The following NOS1AP variants were observed in gnomAD, a reference collection of about 807,000 sequenced individuals.
NOS1AP encodes carboxyl-terminal PDZ ligand of neuronal nitric oxide synthase protein.
A neutral mutation model predicts 56.2 loss-of-function variants in NOS1AP; 21 were observed. That is an observed-to-expected ratio of 0.37 (90% CI 0.26 to 0.54). The LOEUF (loss-of-function observed/expected upper bound fraction) is 0.54. NOS1AP is among the 20% of genes least tolerant of loss of function. The probability of loss-of-function intolerance (pLI) is 0.84; values close to 1 mark genes in which losing one functional copy is unlikely to be tolerated. For synonymous variants in NOS1AP, 270 were observed against 274.6 expected, an observed-to-expected ratio of 0.98 and a Z score of 0.17; for missense variants, 522 against 657.8, an observed-to-expected ratio of 0.79 and a Z score of 2.26.
chr1:162,181,448 G>C (rs1441198579), intron 2 of NOS1AP, among the ~76,000 whole-genome samples: 2 of 152,134 alleles, frequency 1.3e-5, no homozygotes, highest in Non-Finnish European at 2.9e-5. Flanking sequence ...AATTCAATAT[G>C]ATCTAAATAT....
At chr1:162,111,150 G>A (rs1647694125) in intron 1 of NOS1AP, among the ~76,000 whole-genome samples, 1 of 152,250 alleles carries the variant, frequency 6.6e-6, no homozygotes, top group African/African-American at 2.4e-5. Context: ...GACACAGAGT[G>A]TCTGGAGTAT....
In NOS1AP at chr1:162,081,755, G is replaced by GATATATATATAGAT. The variant is rs1553254649; in HGVS notation, c.105+11484_105+11485insGATATATATATATA. On this transcript the variant is annotated intron_variant, in intron 1 of 9. Transcript: ENST00000361897. ...CTATATATCTATATCTATATCTATA[G>GATATATATATAGAT]ATATATATATATATATATATTTTTT... is the stretch of plus-strand genomic sequence containing the variant. Among the ~76,000 whole-genome samples, 174 of 71,612 alleles carry GATATATATATAGAT rather than the reference G, an allele frequency of 2.4e-3. 4 individuals are homozygous for GATATATATATAGAT. The highest frequency in any genetic ancestry group is 0.013 in the Middle Eastern group (2 of 152). 47.0% of individuals were successfully genotyped at this position (71,612 alleles called of 152,430 possible). A position where few individuals can be genotyped will look rare whatever the true frequency, so the allele number is the denominator to read the frequency against.
chr1:162,293,754 C>T (rs1472359608), intron 3 of NOS1AP, among the ~76,000 whole-genome samples: 1 of 152,218 alleles, frequency 6.6e-6, no homozygotes. Context: ...TTTGGAGTTA[C>T]AGACCATGGG....
At position 162,188,850 on chromosome 1, in the gene NOS1AP, G is replaced by A. The variant is rs551475456; in HGVS notation, c.177+34374G>A. ...GGGCGGATCACGAGATCAGGAGTTCGAGACCAGCCTGGCCAACCTGGTCAG... is the reference window on the plus strand; with the variant it reads ...GGGCGGATCACGAGATCAGGAGTTCAAGACCAGCCTGGCCAACCTGGTCAG... On this transcript the variant is annotated intron_variant, in intron 2 of 9. Transcript: ENST00000361897. This position sits in a 1 kb window ranked among gnomAD's most constrained non-coding sequence, Gnocchi z 4.0. Among the ~76,000 whole-genome samples the A allele has an allele frequency of 1.4e-4, 21 of 152,220 alleles. No homozygotes were observed. The highest frequency in any genetic ancestry group is 2.8e-4 in the Non-Finnish European group (19 of 68,000).
At chr1:162,206,727 G>C (rs750801040) in intron 2 of NOS1AP, among the ~76,000 whole-genome samples, 2 of 152,234 alleles carry the variant, frequency 1.3e-5, no homozygotes, top group Non-Finnish European at 2.9e-5. Flanking sequence ...GGGCCATGCA[G>C]TGTGGCTGGC....
intron 1 of NOS1AP, among the ~76,000 whole-genome samples, chr1:162,084,756 G>C (rs1347092341): frequency 6.6e-6 from 1 of 152,030 alleles, no homozygotes; most frequent in African/African-American, 2.4e-5. Context: ...ATGGCTCACT[G>C]ATGAAGCCTC....
At chr1:162,340,652 C>T (rs529132304) in intron 5 of NOS1AP, among the ~76,000 whole-genome samples, 2 of 152,140 alleles carry the variant, frequency 1.3e-5, no homozygotes, top group African/African-American at 4.8e-5. Flanking sequence ...TAGAGAACAA[C>T]GGGTGGAGGG....
chr1:162,247,551 T>A (rs1653703861), intron 2 of NOS1AP, among the ~76,000 whole-genome samples: 1 of 152,212 alleles, frequency 6.6e-6, no homozygotes, highest in South Asian at 2.1e-4. Flanking sequence ...GTCTGAAAGA[T>A]ATGGAAGAGA....
intron 2 of NOS1AP, among the ~76,000 whole-genome samples, chr1:162,282,937 T>A (rs1159759903): frequency 6.6e-6 from 1 of 152,152 alleles, no homozygotes; most frequent in Non-Finnish European, 1.5e-5. Context: ...GAGAAGGACT[T>A]GGCAAAATGA....
chr1:162,170,454 A>G (rs1650712162), intron 2 of NOS1AP, among the ~76,000 whole-genome samples: 1 of 152,220 alleles, frequency 6.6e-6, no homozygotes, highest in African/African-American at 2.4e-5. Context: ...CTCAACTAGT[A>G]AGCCACATGG....
intron 2 of NOS1AP, among the ~76,000 whole-genome samples, chr1:162,170,495 A>T (rs763756501): frequency 6.6e-6 from 1 of 152,192 alleles, no homozygotes; most frequent in Non-Finnish European, 1.5e-5. Flanking sequence ...CTCAATACAT[A>T]TCTATCAAGA....
intron 2 of NOS1AP, among the ~76,000 whole-genome samples, chr1:162,273,462 G>A (rs1654648373): frequency 6.6e-6 from 1 of 152,204 alleles, no homozygotes; most frequent in Admixed American, 6.5e-5. Context: ...ACCGCGCCCG[G>A]CCGAAGCCTC....
chr1:162,359,462 T>G (rs983041077), intron 8 of NOS1AP, among the ~76,000 whole-genome samples: 7 of 152,202 alleles, frequency 4.6e-5, no homozygotes, highest in African/African-American at 1.7e-4. Flanking sequence ...AGGGATATTG[T>G]ACATTTCAGC....
chr1:162,289,276 CCTTT>C (rs71093158), intron 3 of NOS1AP, among the ~76,000 whole-genome samples: 11,886 of 46,120 alleles, frequency 0.26, 1,771 homozygotes, highest in Middle Eastern at 0.39. Context: ...TTCCTTCCTT[CCTTT>C]CCTTCCTTCC....
intron 2 of NOS1AP, among the ~76,000 whole-genome samples, chr1:162,208,942 A>G (rs952259420): frequency 1.3e-5 from 2 of 152,242 alleles, no homozygotes; most frequent in Admixed American, 1.3e-4. Flanking sequence ...CGTATTAAAT[A>G]AATGCTTAGA....
At chr1:162,224,536 A>T (rs1269644991) in intron 2 of NOS1AP, among the ~76,000 whole-genome samples, 1 of 152,204 alleles carries the variant, frequency 6.6e-6, no homozygotes. Flanking sequence ...GAGAAAGGTC[A>T]CATAGAAAGA....
At chr1:162,147,212 C>G (rs1294036245) in intron 1 of NOS1AP, among the ~76,000 whole-genome samples, 1 of 151,462 alleles carries the variant, frequency 6.6e-6, no homozygotes, top group Admixed American at 6.6e-5. Context: ...GCCTGGAGTC[C>G]CAGCTACTCT....
chr1:162,255,424 G>A (rs1041324330), intron 2 of NOS1AP, among the ~76,000 whole-genome samples: 2 of 149,070 alleles, frequency 1.3e-5, no homozygotes, highest in East Asian at 4.0e-4. Flanking sequence ...ACTGTTTCAG[G>A]TCAGGAGACC....
At chr1:162,239,056 T>C (rs1653396692) in intron 2 of NOS1AP, among the ~76,000 whole-genome samples, 1 of 152,264 alleles carries the variant, frequency 6.6e-6, no homozygotes, top group South Asian at 2.1e-4. Context: ...ATATATCTTA[T>C]ATTAAAATAA....
Sources: allele counts gnomAD v4.1 joint callset (sites outside exome capture counted in the v4.1 genomes callset), GRCh38; gene constraint gnomAD v4.1.1; non-coding constraint Gnocchi (gnomAD v3.1); transcripts MANE v1.5; gene names NCBI Gene and HGNC (gene_info 2026-07-23, HGNC 2026-07-21).